CSDC2: variants seen among roughly 807,000 people sequenced by gnomAD.
CSDC2 encodes cold shock domain-containing protein C2.
In CSDC2, 8 loss-of-function variants were observed where a neutral mutation model predicts 15.8. That is an observed-to-expected ratio of 0.51 (90% confidence interval 0.30 to 0.92). CSDC2 has a LOEUF of 0.92. CSDC2 is among the 40% of genes least tolerant of loss of function. The pLI is 0.07. For synonymous variants in CSDC2, 96 were observed against 92.3 expected (o/e 1.04, Z -0.23); for missense variants, 195 against 213.3 (o/e 0.91, Z 0.53).
chr22:41,568,690 C>T (rs1424784199), intron 1 of CSDC2, among the ~76,000 whole-genome samples: 1 of 152,256 alleles, frequency 6.6e-6, no homozygotes, highest in Non-Finnish European at 1.5e-5. Context: ...CTGCCTGTCT[C>T]CTGCCCCTGC....
chr22:41,572,296 T>C (rs887584562), intron 2 of CSDC2, among the ~76,000 whole-genome samples, 155 bp downstream of exon 2: 16 of 122,984 alleles, frequency 1.3e-4, no homozygotes, highest in African/African-American at 3.2e-5. Context: ...ATACATCCAT[T>C]CATCCATCCA....
chr22:41,562,406 C>CAAAAAAAAAAA (rs10642302), intron 1 of CSDC2, among the ~76,000 whole-genome samples: 2 of 131,996 alleles, frequency 1.5e-5, no homozygotes, highest in African/African-American at 2.8e-5. Flanking sequence ...TCACCCCCTT[C>CAAAAAAAAAAA]AAAAAAAAAA....
intron 2 of CSDC2, among the ~76,000 whole-genome samples, chr22:41,573,368 A>T (rs966115375): frequency 2.4e-4 from 36 of 151,482 alleles, no homozygotes; most frequent in Admixed American, 6.6e-4. Flanking sequence ...AAAAAAAAAA[A>T]ATTTTTTTTG....
chr22:41,573,724 T>C lies in CSDC2; in HGVS notation c.246T>C (p.His82=), dbSNP rs771243031. 6.2e-7 allele frequency: 1 copy of C among 1,613,932 alleles called. No homozygotes were observed. The highest frequency in any genetic ancestry group is 1.1e-5 in the South Asian group (1 of 91,072). Residue 82 remains histidine, a synonymous_variant, in exon 3 of 4, where the codon CAT becomes CAC. Coordinates refer to ENST00000306149, the MANE Select transcript of CSDC2 (RefSeq NM_014460.4). ...AGCAGTTCTCACGCTCACAGGGCCA[T>C]GGCTTCATCACCCCCGAGAACGGGT... ...VCKQFSRSQG[H]GFITPENGSE...
intron 1 of CSDC2, among the ~76,000 whole-genome samples, chr22:41,564,477 G>C (rs1601990894): frequency 6.6e-6 from 1 of 151,916 alleles, no homozygotes; most frequent in African/African-American, 2.4e-5. Flanking sequence ...AGCCAGGATG[G>C]TCTCAATCTC....
In CSDC2 at chr22:41,575,336, T is replaced by C. The variant is rs1431667040; in HGVS notation, c.*441T>C. On this transcript the variant is annotated 3_prime_UTR_variant, in exon 4 of 4. Transcript: ENST00000306149. ...CTGTGCTACTTACATCTCCCTCCCT[T>C]GGCTGAGGTCCCCCGCCACAGCCTG... 2 of 169,456 alleles carry C rather than the reference T, an allele frequency of 1.2e-5. No homozygotes were observed. The highest frequency in any genetic ancestry group is 4.8e-5 in the African/African-American group (2 of 41,926). 10.5% of individuals were successfully genotyped at this position (169,456 alleles called of 1,614,324 possible). A position where few individuals can be genotyped will look rare whatever the true frequency, so the allele number is the denominator to read the frequency against.
In CSDC2 at chr22:41,571,880, A is replaced by AGGCCG. The variant is rs1275321699; in HGVS notation, c.-81_-77dup. 1.1e-6 allele frequency: 1 copy of AGGCCG among 903,968 alleles called. No individual in the cohort carries two copies. The highest frequency in any genetic ancestry group is 1.5e-6 in the Non-Finnish European group (1 of 661,524). The allele number at this position is 903,968 out of a possible 1,614,324, so 56.0% of individuals were successfully genotyped here. ...GCTGGTGAGGCCGCAGAGCAGGGCC[A>AGGCCG]GGCCGGGCCCTGCCCGCAAGGACGA... is the stretch of plus-strand genomic sequence containing the variant. On this transcript the variant is annotated 5_prime_UTR_variant, in exon 2 of 4. Coordinates refer to ENST00000306149, the MANE Select transcript of CSDC2 (RefSeq NM_014460.4).
intron 3 of CSDC2, 86 bp from the exon 4 acceptor site, chr22:41,574,647 G>T: frequency 6.6e-7 from 1 of 1,513,856 alleles, no homozygotes; most frequent in Non-Finnish European, 8.9e-7. Flanking sequence ...GAGGCTTAGG[G>T]CCAGGCTGCC....
At chr22:41,574,369 G>A (rs1488916902) in intron 3 of CSDC2, among the ~76,000 whole-genome samples, 2 of 152,218 alleles carry the variant, frequency 1.3e-5, no homozygotes, top group East Asian at 1.9e-4. Flanking sequence ...GGGTTCAAGC[G>A]ATTCTCCCAC....
chr22:41,572,053 G>A lies in CSDC2; in HGVS notation c.88G>A (p.Glu30Lys), dbSNP rs561987799. 97 of 1,362,748 alleles carry A rather than the reference G, an allele frequency of 7.1e-5. No individual in the cohort carries two copies. The African/African-American group carries it at 8.0e-4, about 11-fold the overall frequency. 84.4% of individuals were successfully genotyped at this position (1,362,748 alleles called of 1,614,324 possible). The change falls in exon 2 of 4, where the codon GAG becomes AAG. Residue 30 changes from glutamate (E) to lysine (K), a missense_variant. Transcript: ENST00000306149. ...PVWPTFPFHR[E>K]GSRVWERGGV... ...CTGGCCCACCTTCCCCTTCCACAGG[G>A]AGGGCAGCAGGGTCTGGGAGCGGGG...
intron 1 of CSDC2, among the ~76,000 whole-genome samples, chr22:41,562,858 G>C (rs9607819): frequency 0.24 from 37,149 of 152,074 alleles, 5,296 homozygotes; most frequent in Admixed American, 0.44. Context: ...GAAAGCTGTG[G>C]GGTCACACTG....
At chr22:41,568,852 G>C (rs1454386355) in intron 1 of CSDC2, among the ~76,000 whole-genome samples, 2 of 152,238 alleles carry the variant, frequency 1.3e-5, no homozygotes, top group Non-Finnish European at 1.5e-5. Flanking sequence ...ATCATCAGTG[G>C]GTTCTTCCCC....
chr22:41,562,674 C>T (rs1422412305), intron 1 of CSDC2, among the ~76,000 whole-genome samples: 2 of 152,262 alleles, frequency 1.3e-5, no homozygotes, highest in East Asian at 1.9e-4. Flanking sequence ...GTCATGTCCA[C>T]GGTCACAACT....
intron 1 of CSDC2, among the ~76,000 whole-genome samples, chr22:41,565,648 A>G (rs1477528562): frequency 6.6e-6 from 1 of 152,132 alleles, no homozygotes; most frequent in African/African-American, 2.4e-5. Context: ...CCCATTCTGC[A>G]TCCTTTTAGG....
At chr22:41,573,284 G>A (rs1272830328) in intron 2 of CSDC2, among the ~76,000 whole-genome samples, 2 of 152,032 alleles carry the variant, frequency 1.3e-5, no homozygotes, top group African/African-American at 2.4e-5. Context: ...GAACCTGGGA[G>A]GTGTAGGTTG....
At chr22:41,561,943 C>T (rs772336503) in intron 1 of CSDC2, among the ~76,000 whole-genome samples, 20 of 152,168 alleles carry the variant, frequency 1.3e-4, no homozygotes, top group Non-Finnish European at 2.8e-4. Context: ...GACCCTGGCA[C>T]AAGGAGTCCA....
chr22:41,571,376 C>T (rs1188142931), intron 1 of CSDC2, among the ~76,000 whole-genome samples: 10 of 152,012 alleles, frequency 6.6e-5, no homozygotes, highest in Non-Finnish European at 1.3e-4. Context: ...AAAATTTGAC[C>T]AGAGCCAAGG....
chr22:41,575,217 C>T lies in CSDC2; in HGVS notation c.*322C>T, dbSNP rs1054526347. On this transcript the variant is annotated 3_prime_UTR_variant, in exon 4 of 4. Coordinates refer to ENST00000306149, the MANE Select transcript of CSDC2 (RefSeq NM_014460.4). ...TCGCCCTCCTGCTTACCCGTCCCCA[C>T]GGTGACTGAGCTGCGAGAGCCTGCG... 8 of 401,876 alleles carry T rather than the reference C, an allele frequency of 2.0e-5. No homozygotes were observed. The highest frequency in any genetic ancestry group is 5.8e-5 in the South Asian group (2 of 34,456). The allele number at this position is 401,876 out of a possible 1,614,324, so 24.9% of individuals were successfully genotyped here.
At chr22:41,572,971 C>A (rs528360201) in intron 2 of CSDC2, among the ~76,000 whole-genome samples, 1 of 152,120 alleles carries the variant, frequency 6.6e-6, no homozygotes, top group African/African-American at 2.4e-5. Flanking sequence ...AACTTCCTGG[C>A]CTTCAGCAAT....
Sources: allele counts gnomAD v4.1 joint callset (sites outside exome capture counted in the v4.1 genomes callset), GRCh38; gene constraint gnomAD v4.1.1; transcripts MANE v1.5; gene names NCBI Gene and HGNC (gene_info 2026-07-23, HGNC 2026-07-21).